The following COL24A1 variants were observed in gnomAD, a reference collection of about 807,000 sequenced individuals.
COL24A1 encodes the protein collagen alpha-1(XXIV) chain.
Under a neutral mutation model 253.9 loss-of-function variants are expected in COL24A1, and 224 were observed. The observed-to-expected ratio is 0.88, with a 90% confidence interval of 0.79 to 0.99. The LOEUF (loss-of-function observed/expected upper bound fraction) is 0.99. COL24A1 is among the 50% of genes least tolerant of loss of function. The probability of loss-of-function intolerance (pLI) is 0.00; values close to 1 mark genes in which losing one functional copy is unlikely to be tolerated. For missense variants in COL24A1, 2,131 were observed against 2,068.5 expected (o/e 1.03, Z -0.59); for synonymous variants, 685 against 673.7 (o/e 1.02, Z -0.26).
In COL24A1 at chr1:85,960,778, G is replaced by T. The variant is rs1202184608; in HGVS notation, c.2562+471C>A. ...CACACCTGTAATTCCAGCTATCCCG[G>T]GAGGCTGAGGCAGGAGAATCGCTTG... On this transcript the variant is annotated intron_variant, in intron 24 of 59. Coordinates refer to ENST00000370571, the MANE Select transcript of COL24A1 (RefSeq NM_152890.7). 3 of 157,714 alleles carry T rather than the reference G, an allele frequency of 1.9e-5. No individual in the cohort carries two copies. In the Admixed American group the frequency reaches 2.0e-4, roughly 10 times the overall value. The allele number at this position is 157,714 out of a possible 1,614,324, so 9.8% of individuals were successfully genotyped here.
chr1:85,850,009 A>G (rs1677580042), intron 37 of COL24A1, among the ~76,000 whole-genome samples: 1 of 152,204 alleles, frequency 6.6e-6, no homozygotes. Context: ...ATATTCGTTG[A>G]TCTGTGGGAA....
At position 85,730,371 on chromosome 1, in the gene COL24A1, C is replaced by T; in HGVS notation, c.*175G>A. On this transcript the variant is annotated 3_prime_UTR_variant, in exon 60 of 60. Transcript: ENST00000370571. The stretch of plus-strand genomic sequence containing the variant: ...ATTAAATACTTTATCAATCATAGTC[C>T]TTTAAAAATGCCTTTTCTCCTTCTT... 3.6e-6 allele frequency: 2 copies of T among 556,026 alleles called. No homozygotes were observed. The highest frequency in any genetic ancestry group is 3.5e-5 in the South Asian group (1 of 28,456). The allele number at this position is 556,026 out of a possible 1,614,324, so 34.4% of individuals were successfully genotyped here.
Position 85,991,472 on chromosome 1 carries a change from G to A in COL24A1, c.2311-3818C>T, listed in dbSNP as rs189637975. On this transcript the variant is annotated intron_variant, in intron 19 of 59. Transcript: ENST00000370571. The stretch of plus-strand genomic sequence containing the variant: ...AGAGCTGGGCTTGTGGTTTCATGGG[G>A]CACATAATGGCTTCTGGTGGTAACT... 6.6e-5 allele frequency among the ~76,000 whole-genome samples: 10 copies of A among 152,298 alleles called. No homozygotes were observed. In the East Asian group the frequency reaches 1.7e-3, roughly 26 times the overall value.
chr1:85,849,307 C>A, intron 38 of COL24A1, 46 bp downstream of exon 38: 1 of 1,473,670 alleles, frequency 6.8e-7, no homozygotes, highest in Non-Finnish European at 9.5e-7. Flanking sequence ...GAGTTCTGGG[C>A]ACATCAGAAG....
At position 85,873,828 on chromosome 1, in the gene COL24A1, T is replaced by TAA. The variant is rs10631015; in HGVS notation, c.3138+819_3138+820dup. On this transcript the variant is annotated intron_variant, in intron 35 of 59. Transcript: ENST00000370571. ...CATGTACCCTAGAACTTAAAATACA[T>TAA]AAAAAAAAAAGACTAAGGCTCCGGT... Among the ~76,000 whole-genome samples the TAA allele has an allele frequency of 2.9e-3, 427 of 148,464 alleles. 12 individuals carry two copies. The South Asian group carries it at 0.052, about 18-fold the overall frequency.
rs118169603 is a variant in COL24A1, at chr1:86,129,973, C to A, written c.122-3759G>T. Among the ~76,000 whole-genome samples the A allele has an allele frequency of 5.3e-3, 809 of 151,818 alleles. 17 individuals carry two copies. In the East Asian group the frequency reaches 0.065, roughly 12 times the overall value. ...ATCAACTGAGAGATAAAGTATCTTA[C>A]CAGTAGTGTGTCTATTTGGCCTTTT... On this transcript the variant is annotated intron_variant, in intron 2 of 59. Coordinates refer to ENST00000370571, the MANE Select transcript of COL24A1 (RefSeq NM_152890.7).
chr1:85,859,807 G>A (rs374678860), intron 37 of COL24A1, among the ~76,000 whole-genome samples: 12 of 152,262 alleles, frequency 7.9e-5, no homozygotes, highest in African/African-American at 2.9e-4. Flanking sequence ...ATGTTAAAAT[G>A]GATTTATTCA....
chr1:85,943,726 G>A (rs1418308912), intron 24 of COL24A1, among the ~76,000 whole-genome samples: 3 of 152,302 alleles, frequency 2.0e-5, no homozygotes, highest in Non-Finnish European at 2.9e-5. Flanking sequence ...AGTGCAGCAG[G>A]TGTTTCAAAG....
intron 29 of COL24A1, 88 bp downstream of exon 29, chr1:85,896,268 T>A: frequency 1.5e-6 from 2 of 1,333,434 alleles, no homozygotes; most frequent in Non-Finnish European, 2.1e-6. Flanking sequence ...CATACTTTTG[T>A]AGGGAAATAT....
chr1:85,951,366 G>T (rs1018916950), intron 24 of COL24A1, among the ~76,000 whole-genome samples: 3 of 152,158 alleles, frequency 2.0e-5, no homozygotes, highest in Non-Finnish European at 2.9e-5. Context: ...GATTAGAAAA[G>T]ACTTCATGGT....
At chr1:86,135,818 G>A (rs1650151282) in intron 2 of COL24A1, among the ~76,000 whole-genome samples, 1 of 151,762 alleles carries the variant, frequency 6.6e-6, no homozygotes, top group South Asian at 2.1e-4. Context: ...TTTTTTGTGT[G>A]TACATTCTCA....
At chr1:85,754,531 G>A (rs1209208129) in intron 55 of COL24A1, among the ~76,000 whole-genome samples, 1 of 55,876 alleles carries the variant, frequency 1.8e-5, no homozygotes, top group Non-Finnish European at 3.5e-5. Context: ...AAAACTTAGA[G>A]TATAATAAAA....
At chr1:85,872,205 A>G (rs1680593386) in intron 35 of COL24A1, among the ~76,000 whole-genome samples, 1 of 152,240 alleles carries the variant, frequency 6.6e-6, no homozygotes, top group Non-Finnish European at 1.5e-5. Flanking sequence ...GGACACAAAC[A>G]AATGGAAGAA....
At chr1:85,862,512 T>A (rs1389067109) in intron 37 of COL24A1, among the ~76,000 whole-genome samples, 1 of 152,174 alleles carries the variant, frequency 6.6e-6, no homozygotes, top group Non-Finnish European at 1.5e-5. Context: ...TAACTTAGCA[T>A]CCCTCCTGAC....
At chr1:85,834,846 T>C (rs953026280) in intron 43 of COL24A1, among the ~76,000 whole-genome samples, 1 of 152,224 alleles carries the variant, frequency 6.6e-6, no homozygotes, top group African/African-American at 2.4e-5. Context: ...TTGATCTATG[T>C]GATGTACAGT....
intron 3 of COL24A1, among the ~76,000 whole-genome samples, chr1:86,124,552 T>TCA (rs1388446993): frequency 6.6e-6 from 1 of 151,990 alleles, no homozygotes; most frequent in African/African-American, 2.4e-5. Context: ...AAATCCTGAT[T>TCA]GAATTTCAAC....
chr1:86,153,477 A>G (rs1653057098), intron 1 of COL24A1, among the ~76,000 whole-genome samples: 1 of 152,230 alleles, frequency 6.6e-6, no homozygotes, highest in Non-Finnish European at 1.5e-5. Context: ...GAGAATGAAA[A>G]TAAAATTGTC....
At chr1:86,081,363 A>G (rs1702627532) in intron 7 of COL24A1, among the ~76,000 whole-genome samples, 1 of 151,616 alleles carries the variant, frequency 6.6e-6, no homozygotes, top group Non-Finnish European at 1.5e-5. Flanking sequence ...TGTCCTATTC[A>G]TCACTACTAC....
chr1:85,847,696 G>A lies in COL24A1; in HGVS notation c.3431C>T (p.Pro1144Leu). 1 of 1,613,598 alleles carries A rather than the reference G, an allele frequency of 6.2e-7. No homozygotes were observed. The highest frequency in any genetic ancestry group is 8.5e-7 in the Non-Finnish European group (1 of 1,179,730). The stretch of plus-strand genomic sequence containing the variant: ...ACCTCTAGTTCCTCTGGCACCCTTA[G>A]GACCACTTTTCCCAATTTTTCCAGG... ...GPPGKIGKSG[P>L]KGARGTRGAV... is the part of the protein sequence containing the mutation. The change falls in exon 39 of 60, where the codon CCT (proline) becomes CTT (leucine). Residue 1144 changes from proline (P) to leucine (L), a missense_variant. By Grantham distance (98) the Pro-to-Leu change is moderately conservative (BLOSUM62 -3). Transcript: ENST00000370571.
Sources: allele counts gnomAD v4.1 joint callset (sites outside exome capture counted in the v4.1 genomes callset), GRCh38; gene constraint gnomAD v4.1.1; transcripts MANE v1.5; gene names NCBI Gene and HGNC (gene_info 2026-07-23, HGNC 2026-07-21).